The following RNF139 variants were observed in gnomAD, a reference collection of about 807,000 sequenced individuals.
The protein encoded by RNF139 is E3 ubiquitin-protein ligase RNF139.
Under a neutral mutation model 49.5 loss-of-function variants are expected in RNF139, and 15 were observed. The ratio of observed to expected loss-of-function variants is 0.30; its 90% CI spans 0.20 to 0.47. The LOEUF is 0.47. Ranked by LOEUF, RNF139 falls within the 20% of genes least tolerant of loss-of-function variation. The pLI, the probability that RNF139 is intolerant of heterozygous loss-of-function variation, is 1.00. For missense variants in RNF139, 619 were observed against 806.3 expected (o/e 0.77, Z 2.81); for synonymous variants, 325 against 300.9 (o/e 1.08, Z -0.83).
chr8:124,485,856 G>C lies in RNF139; in HGVS notation c.207G>C (p.Leu69=). Residue 69 remains leucine, a synonymous_variant, in exon 2 of 2, where the codon CTG becomes CTC. Coordinates refer to ENST00000303545, the MANE Select transcript of RNF139 (RefSeq NM_007218.4). ...GTGTATTTGCATCCAGTATTGTTCTGATCTTGTCACAACGATCACTTTTCA... is the reference window on the plus strand; with the variant it reads ...GTGTATTTGCATCCAGTATTGTTCTCATCTTGTCACAACGATCACTTTTCA... The part of the protein sequence containing the change: ...LFGVFASSIV[L]ILSQRSLFKF... 7 of 1,612,438 alleles carry C rather than the reference G, an allele frequency of 4.3e-6. No individual in the cohort carries two copies. Among genetic ancestry groups the C allele is most frequent in the Non-Finnish European group, 5.9e-6 (7 of 1,178,674 alleles).
chr8:124,484,675 A>G (rs1376742974), intron 1 of RNF139, among the ~76,000 whole-genome samples: 1 of 152,188 alleles, frequency 6.6e-6, no homozygotes, highest in Non-Finnish European at 1.5e-5. Flanking sequence ...AACCTTGGAT[A>G]ATAATGTGTT....
chr8:124,485,811 T>A lies in RNF139; in HGVS notation c.182-20T>A, dbSNP rs181352985. 62 of 1,550,464 alleles carry A rather than the reference T, an allele frequency of 4.0e-5. 1 individual carries two copies. The Admixed American group carries it at 8.8e-4, about 22-fold the overall frequency. On this transcript the variant is annotated intron_variant, in intron 1 of 1. Coordinates refer to ENST00000303545, the MANE Select transcript of RNF139 (RefSeq NM_007218.4). Reference sequence around the variant, plus strand: ...CTTACAAATACTTCATTCAAATGACTTTTTCTTTCTTTCTTTTAGGTGTAT... The same window carrying A: ...CTTACAAATACTTCATTCAAATGACATTTTCTTTCTTTCTTTTAGGTGTAT...
chr8:124,482,062 TA>T lies in RNF139; in HGVS notation c.182-3768del, dbSNP rs1816422325. On this transcript the variant is annotated intron_variant, in intron 1 of 1. Transcript: ENST00000303545. The stretch of plus-strand genomic sequence containing the variant: ...TATTCTTGAAATGTTAACTCACTAT[TA>T]CATCTTGGGGGGTGTGATTTTAATC... Among the ~76,000 whole-genome samples the T allele has an allele frequency of 3.3e-5, 5 of 152,256 alleles. No homozygotes were observed. In the South Asian group the frequency reaches 1.0e-3, roughly 32 times the overall value.
In RNF139 at chr8:124,487,422, C is replaced by A; in HGVS notation, c.1773C>A (p.Ile591=). 9.9e-6 allele frequency: 16 copies of A among 1,613,998 alleles called. No individual in the cohort carries two copies. The highest frequency in any genetic ancestry group is 1.3e-5 in the Non-Finnish European group (15 of 1,179,944). ...CAATGTGCCATCAGAAAGTATACAT[C>A]GAAGATGATATCAAGGATAATTCAA... ...TCPMCHQKVY[I]EDDIKDNSNV... The change falls in exon 2 of 2, where the codon ATC becomes ATA. Residue 591 remains isoleucine (I), a synonymous_variant. Coordinates refer to ENST00000303545, the MANE Select transcript of RNF139 (RefSeq NM_007218.4).
chr8:124,486,110 T>C lies in RNF139; in HGVS notation c.461T>C (p.Leu154Ser), dbSNP rs1259857133. ...CAGATTCATTCCATCTATTCACAAT[T>C]AATTATTTTGGATCTCTTGGTTCCT... ...LLQIHSIYSQ[L>S]IILDLLVPVI... The change falls in exon 2 of 2, where the codon TTA becomes TCA. Residue 154 changes from leucine to serine, a missense_variant. Leu to Ser is a moderately radical substitution (Grantham distance 145). Coordinates refer to ENST00000303545, the MANE Select transcript of RNF139 (RefSeq NM_007218.4). The C allele has an allele frequency of 3.1e-6, 5 of 1,614,198 alleles. No individual in the cohort carries two copies. In the South Asian group the frequency reaches 4.4e-5, roughly 14 times the overall value.
chr8:124,482,924 T>TA (rs1181443369), intron 1 of RNF139, among the ~76,000 whole-genome samples: 2 of 108,882 alleles, frequency 1.8e-5, no homozygotes, highest in Non-Finnish European at 3.6e-5. Flanking sequence ...GAAACTCCAT[T>TA]AAAAAAAATA....
At chr8:124,482,348 A>AT (rs1476673669) in intron 1 of RNF139, among the ~76,000 whole-genome samples, 1 of 152,168 alleles carries the variant, frequency 6.6e-6, no homozygotes, top group Non-Finnish European at 1.5e-5. Flanking sequence ...AAGCTCATGA[A>AT]TAGTTACTGA....
At position 124,487,570 on chromosome 8, in the gene RNF139, G is replaced by A. The variant is rs772244205; in HGVS notation, c.1921G>A (p.Val641Ile). The A allele has an allele frequency of 8.7e-6, 14 of 1,613,976 alleles. No homozygotes were observed. In the African/African-American group the frequency reaches 1.7e-4, roughly 20 times the overall value. ...TGACAGTACAGATTGTGATGATGAT[G>A]TTCAAAGAGAAAGAAATGGAGTGAT... Reference protein sequence around the residue: ...EDDSTDCDDDVQRERNGVIQH... With the variant: ...EDDSTDCDDDIQRERNGVIQH... The change falls in exon 2 of 2, where the codon GTT becomes ATT. Residue 641 changes from valine (V) to isoleucine (I), a missense_variant. Physicochemically the swap from Val to Ile is conservative, Grantham distance 29. Transcript: ENST00000303545.
At position 124,487,037 on chromosome 8, in the gene RNF139, A is replaced by G. The variant is rs1438463775; in HGVS notation, c.1388A>G (p.Tyr463Cys). Residue 463 changes from tyrosine to cysteine, a missense_variant, in exon 2 of 2, where the codon TAC (tyrosine) becomes TGC (cysteine). Tyr to Cys is a radical substitution (Grantham distance 194, BLOSUM62 -2). This residue lies in a region of RNF139 where 530 missense variants were observed against 728.9 expected (regional missense o/e 0.73). Transcript: ENST00000303545. ...GAAAAGCTTGACGATTATGTCTACT[A>G]CGTTCGTTCAACAGGCAGTATTATT... ...LWEKLDDYVY[Y>C]VRSTGSIIEF... 1.9e-6 allele frequency: 3 copies of G among 1,614,064 alleles called. No homozygotes were observed. Among genetic ancestry groups the G allele is most frequent in the Admixed American group, 1.7e-5 (1 of 60,014 alleles).
chr8:124,484,779 A>G (rs142655058), intron 1 of RNF139, among the ~76,000 whole-genome samples: 1 of 152,212 alleles, frequency 6.6e-6, no homozygotes, highest in Non-Finnish European at 1.5e-5. Flanking sequence ...ATTTTCTAAA[A>G]ACATGTCTTG....
chr8:124,480,427 G>T (rs1289069559), intron 1 of RNF139, among the ~76,000 whole-genome samples: 3 of 134,106 alleles, frequency 2.2e-5, no homozygotes, highest in Non-Finnish European at 4.8e-5. Flanking sequence ...AAAAAAAAAA[G>T]GAAGTCAAAT....
chr8:124,487,452 A>G lies in RNF139; in HGVS notation c.1803A>G (p.Val601=). The G allele has an allele frequency of 1.2e-6, 2 of 1,614,074 alleles. No homozygotes were observed. The highest frequency in any genetic ancestry group is 1.7e-6 in the Non-Finnish European group (2 of 1,179,938). The part of the protein sequence containing the change: ...IEDDIKDNSN[V]SNNNGFIPPN... ...ATGATATCAAGGATAATTCAAATGT[A>G]TCTAACAACAATGGATTTATTCCAC... The change falls in exon 2 of 2, where the codon GTA becomes GTG. Residue 601 remains valine, a synonymous_variant. Coordinates refer to ENST00000303545, the MANE Select transcript of RNF139 (RefSeq NM_007218.4).
intron 1 of RNF139, among the ~76,000 whole-genome samples, chr8:124,478,140 T>TAA (rs1395642000): frequency 7.5e-6 from 1 of 133,708 alleles, no homozygotes. Flanking sequence ...AGACTCTGTC[T>TAA]AAAAAAAAAA....
rs757808965 is a variant in RNF139, at chr8:124,487,061, T to C, written c.1412T>C (p.Ile471Thr). The C allele has an allele frequency of 5.6e-6, 9 of 1,613,964 alleles. No individual in the cohort carries two copies. Among genetic ancestry groups the C allele is most frequent in the African/African-American group, 1.3e-5 (1 of 74,920 alleles). Reference sequence around the variant, plus strand: ...TACGTTCGTTCAACAGGCAGTATTATTGAATTTATATTTGGAGTTGTAATG... The same window carrying C: ...TACGTTCGTTCAACAGGCAGTATTACTGAATTTATATTTGGAGTTGTAATG... The part of the protein sequence containing the change: ...VYYVRSTGSI[I>T]EFIFGVVMFG... The change falls in exon 2 of 2, where the codon ATT becomes ACT. Residue 471 changes from isoleucine to threonine, a missense_variant. Ile to Thr is a moderately conservative substitution (Grantham distance 89). Coordinates refer to ENST00000303545, the MANE Select transcript of RNF139 (RefSeq NM_007218.4).
At position 124,487,657 on chromosome 8, in the gene RNF139, T is replaced by A. The variant is rs747891836; in HGVS notation, c.*13T>A. Reference sequence around the variant, plus strand: ...TGATACTGACTGATGAAAATAGCATTTATTAATGATTGAGGTATTTGTTTA... The same window carrying A: ...TGATACTGACTGATGAAAATAGCATATATTAATGATTGAGGTATTTGTTTA... On this transcript the variant is annotated 3_prime_UTR_variant, in exon 2 of 2. Transcript: ENST00000303545. The A allele has an allele frequency of 5.7e-6, 9 of 1,574,264 alleles. No homozygotes were observed. In the Middle Eastern group the frequency reaches 1.0e-3, roughly 179 times the overall value.
rs1312075948 is a variant in RNF139 at position 124,488,413 on chromosome 8, A to C, written c.*769A>C. 2 of 434,680 alleles carry C rather than the reference A, an allele frequency of 4.6e-6. No individual in the cohort carries two copies. Among genetic ancestry groups the C allele is most frequent in the Non-Finnish European group, 8.3e-6 (2 of 241,040 alleles). The allele number at this position is 434,680 out of a possible 1,614,324, so 26.9% of individuals were successfully genotyped here. A position where few individuals can be genotyped will look rare whatever the true frequency, so the allele number is the denominator to read the frequency against. On this transcript the variant is annotated 3_prime_UTR_variant, in exon 2 of 2. Coordinates refer to ENST00000303545, the MANE Select transcript of RNF139 (RefSeq NM_007218.4). ...TAAATTGTTTTAAACTAAGATACTCAATGATATAAAAACATCCTGATCTGA... is the reference window on the plus strand; with the variant it reads ...TAAATTGTTTTAAACTAAGATACTCCATGATATAAAAACATCCTGATCTGA...
chr8:124,476,596 GCT>G (rs1372004050), intron 1 of RNF139, among the ~76,000 whole-genome samples: 1 of 152,214 alleles, frequency 6.6e-6, no homozygotes, highest in African/African-American at 2.4e-5. Flanking sequence ...TTCAGCCCAA[GCT>G]GCTTCAGTAA....
rs372167844 is a variant in RNF139, at chr8:124,475,109, C to T, written c.-1C>T. On this transcript the variant is annotated 5_prime_UTR_variant, in exon 1 of 2. Transcript: ENST00000303545. ...ACCGAGCCCTGGTGTGGCAGCGGCT[C>T]ATGGCGGCCGTGGGGCCCCCGCAGC... 60 of 1,585,590 alleles carry T rather than the reference C, an allele frequency of 3.8e-5. No homozygotes were observed. The African/African-American group carries it at 7.1e-4, about 19-fold the overall frequency.
intron 1 of RNF139, among the ~76,000 whole-genome samples, chr8:124,479,767 G>C (rs1202723584): frequency 6.6e-6 from 1 of 152,102 alleles, no homozygotes; most frequent in Non-Finnish European, 1.5e-5. Flanking sequence ...ACATAGCCCA[G>C]AAACAGACAC....
Sources: gnomAD v4.1 joint callset for allele counts (sites outside exome capture counted in the v4.1 genomes callset) on GRCh38, gnomAD v4.1.1 for gene constraint, gnomAD v4.1.1 regional missense constraint, MANE v1.5 for transcripts, NCBI Gene and HGNC (gene_info 2026-07-23, HGNC 2026-07-21) for gene names.